The following DYNC2H1 variants were observed in gnomAD, a reference collection of about 807,000 sequenced individuals.
The protein encoded by DYNC2H1 is dynein cytoplasmic 2 heavy chain 1.
A neutral mutation model predicts 570.0 loss-of-function variants in DYNC2H1; 410 were observed. The observed-to-expected ratio is 0.72, with a 90% CI of 0.66 to 0.78. The LOEUF is 0.78. Ranked by LOEUF, DYNC2H1 falls within the 30% of genes least tolerant of loss-of-function variation. The probability of loss-of-function intolerance (pLI) is 0.00; values close to 1 mark genes in which losing one functional copy is unlikely to be tolerated. For synonymous variants in DYNC2H1, 1,688 were observed against 1,677.6 expected, an observed-to-expected ratio of 1.01 and a Z score of -0.15; for missense variants, 4,865 against 5,046.4, an observed-to-expected ratio of 0.96 and a Z score of 1.09.
intron 85 of DYNC2H1, among the ~76,000 whole-genome samples, chr11:103,441,193 C>G (rs1016333102): frequency 1.3e-5 from 2 of 152,010 alleles, no homozygotes; most frequent in African/African-American, 4.8e-5. Flanking sequence ...ACAAACCCAG[C>G]TCGCTCCCTC....
Position 103,192,252 on chromosome 11 carries a change from G to C in DYNC2H1, c.7696G>C (p.Asp2566His). ...AGGAGATTGGGGCTCAGACATATTAGACAATATGTCAGGTAAGGTAATAGA... is the reference window on the plus strand; with the variant it reads ...AGGAGATTGGGGCTCAGACATATTACACAATATGTCAGGTAAGGTAATAGA... The part of the protein sequence containing the change: ...FQGDWGSDIL[D>H]NMSDSFYVTW... The change falls in exon 47 of 89, where the codon GAC becomes CAC. Residue 2566 changes from aspartate (D) to histidine (H), a missense_variant. Physicochemically the swap from Asp to His is moderately conservative, Grantham distance 81. This residue lies in a region of DYNC2H1 where 2,401 missense variants were observed against 2,454.6 expected (regional missense o/e 0.98). Coordinates refer to ENST00000375735, the MANE Select transcript of DYNC2H1 (RefSeq NM_001377.3). 1 of 1,553,144 alleles carries C rather than the reference G, an allele frequency of 6.4e-7. No individual in the cohort carries two copies. The highest frequency in any genetic ancestry group is 2.3e-5 in the East Asian group (1 of 44,024).
chr11:103,213,969 G>A (rs550451396), intron 54 of DYNC2H1, among the ~76,000 whole-genome samples: 18 of 152,150 alleles, frequency 1.2e-4, no homozygotes, highest in African/African-American at 4.3e-4. Flanking sequence ...CAGGTCTTTT[G>A]TTTAAGTCTT....
At chr11:103,354,760 G>GA (rs1027749740) in intron 82 of DYNC2H1, among the ~76,000 whole-genome samples, 4 of 151,028 alleles carry the variant, frequency 2.6e-5, no homozygotes, top group Admixed American at 6.6e-5. Context: ...TTGCAGTTGG[G>GA]AAGTGTTTGT....
At chr11:103,112,227 GAAAA>G (rs1164685757) in intron 1 of DYNC2H1, among the ~76,000 whole-genome samples, 1 of 151,874 alleles carries the variant, frequency 6.6e-6, no homozygotes, top group Non-Finnish European at 1.5e-5. Flanking sequence ...CCAGGGGCAA[GAAAA>G]AAAATCCAGA....
In DYNC2H1 at chr11:103,289,543, T is replaced by C. The variant is rs1591530338; in HGVS notation, c.11095+1938T>C. 6.6e-6 allele frequency among the ~76,000 whole-genome samples: 1 copy of C among 152,152 alleles called. No homozygotes were observed. Among genetic ancestry groups the C allele is most frequent in the African/African-American group, 2.4e-5 (1 of 41,430 alleles). Reference sequence around the variant, plus strand: ...TTGGAGGCTGACGGGGGAGGATTGCTTGAGCCCAGTAGTTTGAGACCAGCC... The same window carrying C: ...TTGGAGGCTGACGGGGGAGGATTGCCTGAGCCCAGTAGTTTGAGACCAGCC... On this transcript the variant is annotated intron_variant, in intron 75 of 88. Transcript: ENST00000375735. The surrounding 1 kb of genome is among the most constrained non-coding windows in gnomAD (Gnocchi z 4.2).
At position 103,186,271 on chromosome 11, in the gene DYNC2H1, A is replaced by G. The variant is rs755524445; in HGVS notation, c.6663A>G (p.Pro2221=). Residue 2221 remains proline, a synonymous_variant, in exon 42 of 89, where the codon CCA becomes CCG. Coordinates refer to ENST00000375735, the MANE Select transcript of DYNC2H1 (RefSeq NM_001377.3). The surrounding 1 kb of genome is among the most constrained non-coding windows in gnomAD (Gnocchi z 4.5). ...TTCATTGGGCACGAGAATCTCCTCCAGACTTTCACAAACCTATGGATACCT... is the reference window on the plus strand; with the variant it reads ...TTCATTGGGCACGAGAATCTCCTCCGGACTTTCACAAACCTATGGATACCT... The part of the protein sequence containing the change: ...EVFHWARESP[P]DFHKPMDTYY... The G allele has an allele frequency of 2.5e-6, 4 of 1,611,914 alleles. No individual in the cohort carries two copies. Among genetic ancestry groups the G allele is most frequent in the Admixed American group, 1.7e-5 (1 of 59,762 alleles).
intron 19 of DYNC2H1, 93 bp downstream of exon 19, chr11:103,147,980 A>G (rs1444771777): frequency 5.1e-5 from 46 of 906,376 alleles, no homozygotes; most frequent in East Asian, 2.7e-5. Context: ...AATGATCATT[A>G]AAAACCAAAA....
intron 80 of DYNC2H1, among the ~76,000 whole-genome samples, chr11:103,317,580 T>A (rs1219517749): frequency 2.6e-5 from 4 of 152,208 alleles, no homozygotes; most frequent in Non-Finnish European, 5.9e-5. Flanking sequence ...GCATATAATT[T>A]TCCTGTTTAA....
Position 103,307,828 on chromosome 11 carries a change from T to C in DYNC2H1, c.11490T>C (p.Tyr3830=), listed in dbSNP as rs1419030842. Residue 3830 remains tyrosine, a synonymous_variant, in exon 78 of 89, where the codon TAT becomes TAC. Coordinates refer to ENST00000375735, the MANE Select transcript of DYNC2H1 (RefSeq NM_001377.3). ...TACAGTCAAGTCTGAAGATAACATA[T>C]GAGGTAAGAAGATTTAAAACTTGGA... The part of the protein sequence containing the change: ...ILLQSSLKIT[Y]ESPPGLKKNL... The C allele has an allele frequency of 5.7e-6, 9 of 1,569,144 alleles. No individual in the cohort carries two copies. Among genetic ancestry groups the C allele is most frequent in the Admixed American group, 3.5e-5 (2 of 56,880 alleles).
intron 84 of DYNC2H1, among the ~76,000 whole-genome samples, chr11:103,423,552 A>T (rs1205130440): frequency 6.6e-6 from 1 of 151,950 alleles, no homozygotes; most frequent in Admixed American, 6.6e-5. Context: ...TGATTTCTTA[A>T]ATAGGACACC....
rs1215152325 is a variant in DYNC2H1 at position 103,256,379 on chromosome 11, G to A, written c.10461+139G>A. 1.2e-6 allele frequency: 1 copy of A among 854,166 alleles called. No homozygotes were observed. Among genetic ancestry groups the A allele is most frequent in the Non-Finnish European group, 1.7e-6 (1 of 576,898 alleles). The allele number at this position is 854,166 out of a possible 1,614,324, so 52.9% of individuals were successfully genotyped here. A position where few individuals can be genotyped will look rare whatever the true frequency, so the allele number is the denominator to read the frequency against. On this transcript the variant is annotated intron_variant, in intron 68 of 88. Coordinates refer to ENST00000375735, the MANE Select transcript of DYNC2H1 (RefSeq NM_001377.3). This position sits in a 1 kb window ranked among gnomAD's most constrained non-coding sequence, Gnocchi z 4.0. ...GCTATTCAAAAACATCAGAACATTG[G>A]GTTTGATTCTAGTTATTGTAGAGAG...
chr11:103,446,777 T>TA lies in DYNC2H1; in HGVS notation c.12457-8404dup, dbSNP rs1405962738. Among the ~76,000 whole-genome samples the TA allele has an allele frequency of 3.9e-5, 6 of 152,066 alleles. No homozygotes were observed. The highest frequency in any genetic ancestry group is 1.4e-4 in the African/African-American group (6 of 41,428). On this transcript the variant is annotated intron_variant, in intron 85 of 88. Transcript: ENST00000375735. The surrounding 1 kb of genome is among the most constrained non-coding windows in gnomAD (Gnocchi z 4.5). ...GAAATGATTTTAGGAGTAAAGTTCT[T>TA]AAAAAGGCAAGAGGAAATAGGGCCC...
intron 61 of DYNC2H1, 120 bp from the exon 62 acceptor site, chr11:103,235,552 T>G: frequency 1.1e-6 from 1 of 922,224 alleles, no homozygotes; most frequent in Non-Finnish European, 1.5e-6. Context: ...GACTGTTACA[T>G]TCAAAACAAG....
At chr11:103,160,328 G>A (rs555932499) in intron 28 of DYNC2H1, among the ~76,000 whole-genome samples, 64 of 152,042 alleles carry the variant, frequency 4.2e-4, no homozygotes, top group South Asian at 2.1e-3. Context: ...CCTGTTCATG[G>A]GCATTTGGGT....
chr11:103,226,867 T>C (rs634577), intron 59 of DYNC2H1, among the ~76,000 whole-genome samples: 141,974 of 152,262 alleles, frequency 0.93, 66,222 homozygotes, highest in African/African-American at 0.94. Context: ...AATCCTGCTG[T>C]TTGTTATTGG....
chr11:103,299,208 T>C lies in DYNC2H1; in HGVS notation c.11096-3885T>C, dbSNP rs994150006. Among the ~76,000 whole-genome samples the C allele has an allele frequency of 2.0e-5, 3 of 152,156 alleles. No homozygotes were observed. Among genetic ancestry groups the C allele is most frequent in the African/African-American group, 7.2e-5 (3 of 41,442 alleles). ...TTGAACTATGCATCTTTCCTAGTTT[T>C]ACAGTTCTGTACCTCTTATGGCATC... is the stretch of plus-strand genomic sequence containing the variant. On this transcript the variant is annotated intron_variant, in intron 75 of 88. Transcript: ENST00000375735. The surrounding 1 kb of genome is among the most constrained non-coding windows in gnomAD (Gnocchi z 4.5).
At chr11:103,273,672 A>C (rs1865795586) in intron 70 of DYNC2H1, among the ~76,000 whole-genome samples, 1 of 152,168 alleles carries the variant, frequency 6.6e-6, no homozygotes, top group South Asian at 2.1e-4. Flanking sequence ...TTATTGGTAC[A>C]GGTAGGCAAC....
intron 74 of DYNC2H1, among the ~76,000 whole-genome samples, chr11:103,287,228 A>G (rs1274827540): frequency 1.3e-5 from 2 of 152,146 alleles, no homozygotes; most frequent in Admixed American, 1.3e-4. Flanking sequence ...GTCAACAGAA[A>G]TGCCTCATCT....
At chr11:103,422,016 TC>T in intron 84 of DYNC2H1, among the ~76,000 whole-genome samples, 1 of 151,674 alleles carries the variant, frequency 6.6e-6, no homozygotes, top group African/African-American at 2.4e-5. Flanking sequence ...ATATCACAAC[TC>T]ATGCCACAGA....
Sources: allele counts gnomAD v4.1 joint callset (sites outside exome capture counted in the v4.1 genomes callset), GRCh38; gene constraint gnomAD v4.1.1; regional missense constraint gnomAD v4.1.1; non-coding constraint Gnocchi (gnomAD v3.1); transcripts MANE v1.5; gene names NCBI Gene and HGNC (gene_info 2026-07-23, HGNC 2026-07-21).